The following CCM2 variants were observed in gnomAD, a reference collection of about 807,000 sequenced individuals.
CCM2 encodes cerebral cavernous malformations 2 protein.
A neutral mutation model predicts 44.9 loss-of-function variants in CCM2; 25 were observed. The observed-to-expected ratio is 0.56, with a 90% confidence interval of 0.41 to 0.78. CCM2 has a LOEUF of 0.78. Ranked by LOEUF, CCM2 falls within the 30% of genes least tolerant of loss-of-function variation. The pLI is 0.00. For missense variants in CCM2, 481 were observed against 580.6 expected, an observed-to-expected ratio of 0.83 and a Z score of 1.76; for synonymous variants, 219 against 241.1, an observed-to-expected ratio of 0.91 and a Z score of 0.85.
chr7:45,029,518 A>G (rs966412602), intron 1 of CCM2: 5 of 152,310 alleles, frequency 3.3e-5, no homozygotes, highest in African/African-American at 1.2e-4. Context: ...AGGTATAGCC[A>G]TACTATTTAC....
intron 4 of CCM2, among the ~76,000 whole-genome samples, 199 bp downstream of exon 4, chr7:45,064,845 T>C (rs1270153419): frequency 7.2e-5 from 11 of 152,176 alleles, no homozygotes; most frequent in Non-Finnish European, 1.6e-4. Context: ...ACTGTCACAC[T>C]AAGAGCCTTT....
At chr7:45,019,261 G>A (rs925154561) in intron 1 of CCM2, among the ~76,000 whole-genome samples, 8 of 151,870 alleles carry the variant, frequency 5.3e-5, no homozygotes, top group Non-Finnish European at 7.4e-5. Context: ...TTTAAATATA[G>A]ATGGAATCTC....
chr7:45,037,542 C>T (rs755758121), intron 1 of CCM2, among the ~76,000 whole-genome samples: 3 of 151,312 alleles, frequency 2.0e-5, no homozygotes, highest in Admixed American at 6.6e-5. Flanking sequence ...CTTAGCCTCC[C>T]GAGCAGCTGG....
At chr7:45,032,574 AC>A (rs1797017698) in intron 1 of CCM2, among the ~76,000 whole-genome samples, 1 of 151,876 alleles carries the variant, frequency 6.6e-6, no homozygotes, top group Non-Finnish European at 1.5e-5. Context: ...CAGTTACTTT[AC>A]TCTGGTCTTA....
chr7:45,073,629 A>C, intron 8 of CCM2, 58 bp downstream of exon 8: 8 of 1,168,172 alleles, frequency 6.8e-6, no homozygotes, highest in Non-Finnish European at 1.0e-5. Flanking sequence ...CCCAGGGAGG[A>C]TGGGGGGAAG....
chr7:45,060,236 C>G (rs952503840), intron 2 of CCM2, among the ~76,000 whole-genome samples: 1 of 152,110 alleles, frequency 6.6e-6, no homozygotes, highest in Admixed American at 6.5e-5. Context: ...CAAATAGTTC[C>G]CTCCTCTCTC....
At chr7:45,041,480 C>T (rs1178977655) in intron 2 of CCM2, among the ~76,000 whole-genome samples, 2 of 152,118 alleles carry the variant, frequency 1.3e-5, no homozygotes, top group Non-Finnish European at 2.9e-5. Context: ...GTCTTTTTGC[C>T]TCATGTAGCC....
Position 45,000,297 on chromosome 7 carries a change from G to GCGGGC in CCM2, c.-31_-27dup, listed in dbSNP as rs1252570047. On this transcript the variant is annotated 5_prime_UTR_variant, in exon 1 of 10. Coordinates refer to ENST00000258781, the MANE Select transcript of CCM2 (RefSeq NM_031443.4). Reference sequence around the variant, plus strand: ...GGCTGCTGGCGGCGGGGCTCCCGGGGCGGGCCGGGCGGGCCGCGGGAGCCG... The same window carrying GCGGGC: ...GGCTGCTGGCGGCGGGGCTCCCGGGGCGGGCCGGGCCGGGCGGGCCGCGGGAGCCG... 2 of 1,236,670 alleles carry GCGGGC rather than the reference G, an allele frequency of 1.6e-6. No individual in the cohort carries two copies. The highest frequency in any genetic ancestry group is 2.0e-6 in the Non-Finnish European group (2 of 983,886). 76.6% of individuals were successfully genotyped at this position (1,236,670 alleles called of 1,614,324 possible).
At chr7:45,049,860 A>G (rs535529349) in intron 2 of CCM2, among the ~76,000 whole-genome samples, 2 of 152,360 alleles carry the variant, frequency 1.3e-5, no homozygotes, top group South Asian at 2.1e-4. Flanking sequence ...CAAAAAAAGA[A>G]CAATAAAAAA....
rs1799177827 is a variant in CCM2 at position 45,073,363 on chromosome 7, A to G, written c.804-97A>G. 1.2e-5 allele frequency: 9 copies of G among 774,118 alleles called. 1 individual carries two copies. The highest frequency in any genetic ancestry group is 2.0e-5 in the Admixed American group (1 of 51,004). The allele number at this position is 774,118 out of a possible 1,614,324, so 48.0% of individuals were successfully genotyped here. ...CACTTACATTCCTCTGTTCAAGGAC[A>G]GGGACCCACACACACGGCATGGACT... On this transcript the variant is annotated intron_variant, in intron 7 of 9. Transcript: ENST00000258781.
At chr7:45,068,626 C>T in intron 5 of CCM2, 47 bp downstream of exon 5, 2 of 1,611,110 alleles carry the variant, frequency 1.2e-6, no homozygotes, top group East Asian at 4.5e-5. Context: ...CCTCCCAGAC[C>T]CTGCTCATGG....
In CCM2 at chr7:45,064,530, A is replaced by G. The variant is rs750889112; in HGVS notation, c.356A>G (p.Asn119Ser). 6.2e-7 allele frequency: 1 copy of G among 1,613,912 alleles called. No individual in the cohort carries two copies. The highest frequency in any genetic ancestry group is 2.2e-5 in the East Asian group (1 of 44,880). The change falls in exon 4 of 10, where the codon AAC becomes AGC. Residue 119 changes from asparagine to serine, a missense_variant. Transcript: ENST00000258781. ...GCTGTGCTCAGCCTGTCTGCGTACA[A>G]CGTCAAGCTGGCCTGGAGGGACGGG... ...HDAVLSLSAY[N>S]VKLAWRDGED...
intron 6 of CCM2, chr7:45,071,561 A>T (rs527816986): frequency 1.5e-5 from 5 of 329,908 alleles, no homozygotes; most frequent in South Asian, 1.2e-4. Context: ...AGCAGCATAA[A>T]CAGCAGAAAT....
intron 6 of CCM2, 86 bp downstream of exon 6, chr7:45,070,047 T>C: frequency 4.5e-6 from 7 of 1,540,338 alleles, no homozygotes; most frequent in Non-Finnish European, 6.2e-6. Flanking sequence ...GAGTTACTCC[T>C]GGAATAGCGC....
chr7:45,062,332 A>G (rs1026991352), intron 2 of CCM2, among the ~76,000 whole-genome samples: 2 of 152,260 alleles, frequency 1.3e-5, no homozygotes, highest in African/African-American at 4.8e-5. Flanking sequence ...AAAAACAGAA[A>G]CATTGAAAAT....
intron 2 of CCM2, among the ~76,000 whole-genome samples, chr7:45,060,655 G>GT (rs1326136187): frequency 6.6e-6 from 1 of 151,960 alleles, no homozygotes; most frequent in Non-Finnish European, 1.5e-5. Context: ...TGCTTTTCAT[G>GT]TTTGGAAGTT....
chr7:45,037,802 A>G (rs956579621), intron 1 of CCM2, among the ~76,000 whole-genome samples: 2 of 152,220 alleles, frequency 1.3e-5, no homozygotes, highest in African/African-American at 4.8e-5. Flanking sequence ...AAAGAATTGC[A>G]TAAAAAACAT....
intron 1 of CCM2, among the ~76,000 whole-genome samples, chr7:45,009,328 G>C (rs1795976579): frequency 7.2e-6 from 1 of 138,276 alleles, no homozygotes; most frequent in Non-Finnish European, 1.5e-5. Flanking sequence ...AAAAATTTTT[G>C]AGTACACCAA....
At chr7:45,074,026 G>T in intron 8 of CCM2, 1 of 761,218 alleles carries the variant, frequency 1.3e-6, no homozygotes, top group Non-Finnish European at 2.0e-6. Flanking sequence ...TCCCTCCCAT[G>T]CACTCTGTGT....
Sources: allele counts gnomAD v4.1 joint callset (sites outside exome capture counted in the v4.1 genomes callset), GRCh38; gene constraint gnomAD v4.1.1; transcripts MANE v1.5; gene names NCBI Gene and HGNC (gene_info 2026-07-23, HGNC 2026-07-21).